BCL11A: variants seen among roughly 807,000 people sequenced by gnomAD.
The protein encoded by BCL11A is B cell CLL/lymphoma 11A.
BCL11A carries 2 observed loss-of-function variants against 55.9 expected under a neutral mutation model. The observed-to-expected ratio is 0.04, with a 90% CI of 0.01 to 0.11. BCL11A has a LOEUF of 0.11. Ranked by LOEUF, BCL11A falls within the 10% of genes least tolerant of loss-of-function variation. BCL11A has a pLI of 1.00. For synonymous variants in BCL11A, 465 were observed against 473.4 expected, an observed-to-expected ratio of 0.98 and a Z score of 0.23; for missense variants, 817 against 1,137.1, an observed-to-expected ratio of 0.72 and a Z score of 4.05.
chr2:60,472,699 A>T (rs1317625194), intron 2 of BCL11A, among the ~76,000 whole-genome samples: 1 of 152,264 alleles, frequency 6.6e-6, no homozygotes, highest in African/African-American at 2.4e-5. Flanking sequence ...AATTTAAGTC[A>T]TTAAATCAAG....
At chr2:60,545,848 T>A (rs950918654) in intron 2 of BCL11A, 123 bp downstream of exon 2, 2 of 754,986 alleles carry the variant, frequency 2.6e-6, no homozygotes, top group Non-Finnish European at 4.5e-6. Flanking sequence ...ATTACAGGGC[T>A]GTCATGGACA....
intron 1 of BCL11A, among the ~76,000 whole-genome samples, chr2:60,552,777 T>C (rs2104798910): frequency 6.6e-6 from 1 of 152,144 alleles, no homozygotes; most frequent in South Asian, 2.1e-4. Flanking sequence ...ACCCCCCCAT[T>C]TTCTTACGGT....
chr2:60,526,803 A>G (rs1030311793), intron 2 of BCL11A: 1 of 152,244 alleles, frequency 6.6e-6, no homozygotes, highest in African/African-American at 2.4e-5. Flanking sequence ...GGGCTGACCT[A>G]TAATGCGTCT....
At chr2:60,541,331 T>C (rs556674577) in intron 2 of BCL11A, among the ~76,000 whole-genome samples, 2 of 152,342 alleles carry the variant, frequency 1.3e-5, no homozygotes, top group South Asian at 2.1e-4. Flanking sequence ...ATTTTAGATA[T>C]ATTTTTTTTT....
chr2:60,533,091 T>C lies in BCL11A; in HGVS notation c.385+12880A>G, dbSNP rs1430031016. 6 of 152,214 alleles carry C rather than the reference T, an allele frequency of 3.9e-5. No homozygotes were observed. In the East Asian group the frequency reaches 9.6e-4, roughly 24 times the overall value. 9.4% of individuals were successfully genotyped at this position (152,214 alleles called of 1,614,324 possible). ...GTTTCCAGTCACTTTTGACTTACCA[T>C]TATGTTTCAATGTAAAGTGTTATTA... On this transcript the variant is annotated intron_variant, in intron 2 of 3. Coordinates refer to ENST00000642384, the MANE Select transcript of BCL11A (RefSeq NM_022893.4).
Position 60,460,748 on chromosome 2 carries a change from T to G in BCL11A, c.2164A>C (p.Thr722Pro), listed in dbSNP as rs753286743. ...GRSGTGSGGS[T>P]PHISGPGPGR... The stretch of plus-strand genomic sequence containing the variant: ...GGGCCCGGACCACTAATATGGGGCG[T>G]GCTCCCTCCACTTCCCGTGCCGCTG... Residue 722 changes from threonine to proline, a missense_variant, in exon 4 of 4, where the codon ACG (threonine) becomes CCG (proline). Physicochemically the swap from Thr to Pro is conservative, Grantham distance 38. Transcript: ENST00000642384. 6.2e-7 allele frequency: 1 copy of G among 1,614,054 alleles called. No homozygotes were observed. Among genetic ancestry groups the G allele is most frequent in the Non-Finnish European group, 8.5e-7 (1 of 1,180,040 alleles).
At chr2:60,528,905 G>C (rs1162267855) in intron 2 of BCL11A, among the ~76,000 whole-genome samples, 1 of 152,344 alleles carries the variant, frequency 6.6e-6, no homozygotes, top group South Asian at 2.1e-4. Flanking sequence ...TATGAGGTAA[G>C]GGACCTTGAG....
At chr2:60,476,704 T>C (rs1677617122) in intron 2 of BCL11A, among the ~76,000 whole-genome samples, 1 of 152,256 alleles carries the variant, frequency 6.6e-6, no homozygotes, top group Non-Finnish European at 1.5e-5. Context: ...TTTTACCTTT[T>C]AAGTGTGTCT....
intron 1 of BCL11A, chr2:60,550,741 G>A (rs901803536): frequency 7.5e-6 from 3 of 398,150 alleles, no homozygotes; most frequent in African/African-American, 6.2e-5. Flanking sequence ...CCAGGAGGGA[G>A]AGGGGTACGA....
intron 2 of BCL11A, among the ~76,000 whole-genome samples, chr2:60,516,877 G>C (rs1000107559): frequency 8.5e-5 from 13 of 152,162 alleles, no homozygotes; most frequent in African/African-American, 2.9e-4. Flanking sequence ...TTGAGTAAAA[G>C]AGCTGGAAAA....
At chr2:60,476,306 G>A (rs953407940) in intron 2 of BCL11A, among the ~76,000 whole-genome samples, 7 of 152,214 alleles carry the variant, frequency 4.6e-5, no homozygotes, top group Non-Finnish European at 1.5e-5. Context: ...GGTGTGTCCT[G>A]AGCCAATGAG....
Position 60,461,611 on chromosome 2 carries a change from A to T in BCL11A, c.1301T>A (p.Met434Lys), listed in dbSNP as rs1676297400. Residue 434 changes from methionine (M) to lysine (K), a missense_variant, in exon 4 of 4, where the codon ATG (methionine) becomes AAG (lysine). Transcript: ENST00000642384. ...MKTHMHKSSP[M>K]TVKSDDGLST... is the part of the protein sequence containing the mutation. ...GAGACCGTCGTCGGACTTGACCGTC[A>T]TGGGGGACGATTTGTGCATGTGCGT... 6.2e-7 allele frequency: 1 copy of T among 1,613,606 alleles called. No individual in the cohort carries two copies. The highest frequency in any genetic ancestry group is 1.1e-5 in the South Asian group (1 of 91,088).
chr2:60,492,743 G>T (rs919209780), intron 2 of BCL11A, among the ~76,000 whole-genome samples: 7 of 152,144 alleles, frequency 4.6e-5, no homozygotes, highest in Admixed American at 2.0e-4. Flanking sequence ...GAGTCTTGAG[G>T]AGACCCAAAC....
intron 2 of BCL11A, among the ~76,000 whole-genome samples, chr2:60,503,448 T>A (rs919246233): frequency 6.6e-6 from 1 of 152,218 alleles, no homozygotes; most frequent in Non-Finnish European, 1.5e-5. Flanking sequence ...CTCTGAGCAC[T>A]GCAACAATTT....
chr2:60,545,384 T>G (rs1238785613), intron 2 of BCL11A: 1 of 153,476 alleles, frequency 6.5e-6, no homozygotes, highest in East Asian at 1.9e-4. Context: ...ACCACGGGGC[T>G]GTGTTTAATT....
chr2:60,533,135 AG>A (rs1225665627), intron 2 of BCL11A: 21 of 152,236 alleles, frequency 1.4e-4, no homozygotes, highest in Non-Finnish European at 2.9e-5. Context: ...TATAAAGCAC[AG>A]CTCCTCCATG....
chr2:60,452,809 A>T, downstream of BCL11A: 1 of 625,018 alleles, frequency 1.6e-6, no homozygotes, highest in South Asian at 1.9e-5. Context: ...CTTAAGCATG[A>T]TTTCAAACTC....
intron 1 of BCL11A, among the ~76,000 whole-genome samples, chr2:60,547,691 G>A (rs1442151169): frequency 1.3e-5 from 2 of 152,098 alleles, no homozygotes; most frequent in African/African-American, 4.8e-5. Flanking sequence ...TTTAATTTGA[G>A]TGTAGAATAT....
At chr2:60,452,887 C>G (rs1169744081), downstream of BCL11A, 2 of 480,660 alleles carry the variant, frequency 4.2e-6, no homozygotes, top group East Asian at 3.7e-5. Context: ...TTCCGTCCCC[C>G]CAAGGAGGAC....
Sources: gnomAD v4.1 joint callset for allele counts (sites outside exome capture counted in the v4.1 genomes callset) on GRCh38, gnomAD v4.1.1 for gene constraint, MANE v1.5 for transcripts, NCBI Gene and HGNC (gene_info 2026-07-23, HGNC 2026-07-21) for gene names.